FHIT: variants seen among roughly 807,000 people sequenced by gnomAD.
The protein encoded by FHIT is bis(5'-adenosyl)-triphosphatase.
In FHIT, 19 loss-of-function variants were observed where a neutral mutation model predicts 17.9. The observed-to-expected ratio is 1.06, with a 90% confidence interval of 0.74 to 1.56. The LOEUF (loss-of-function observed/expected upper bound fraction) is 1.56. Ranked by LOEUF, FHIT falls within the 40% of genes most tolerant of loss-of-function variation. The pLI is 0.00. For synonymous variants in FHIT, 81 were observed against 69.7 expected, an observed-to-expected ratio of 1.16 and a Z score of -0.81; for missense variants, 248 against 189.2, an observed-to-expected ratio of 1.31 and a Z score of -1.82.
At chr3:60,011,543 A>C in intron 6 of FHIT, 143 bp from the exon 7 acceptor site, 1 of 729,034 alleles carries the variant, frequency 1.4e-6, no homozygotes, top group Non-Finnish European at 2.4e-6. Context: ...TTGGCTTCAA[A>C]TGTGCGGGAT....
intron 2 of FHIT, among the ~76,000 whole-genome samples, chr3:61,140,471 C>T (rs1354476623): frequency 6.6e-6 from 1 of 152,132 alleles, no homozygotes; most frequent in African/African-American, 2.4e-5. Flanking sequence ...ATATAAAGAA[C>T]GGCTTTGCTT....
chr3:60,217,439 GT>G (rs1255470677), intron 5 of FHIT, among the ~76,000 whole-genome samples: 4 of 152,142 alleles, frequency 2.6e-5, no homozygotes, highest in African/African-American at 9.7e-5. Flanking sequence ...TGCTACACTG[GT>G]TTCTTAAACT....
At chr3:59,752,091 C>T (rs556619671) in intron 9 of FHIT, 130 bp downstream of exon 9, 157 of 604,662 alleles carry the variant, frequency 2.6e-4, no homozygotes, top group African/African-American at 2.5e-3. Flanking sequence ...TCCCCTCCAG[C>T]TCTTTGTCCT....
chr3:60,524,222 A>G, intron 5 of FHIT, among the ~76,000 whole-genome samples: 1 of 92,476 alleles, frequency 1.1e-5, no homozygotes, highest in African/African-American at 3.2e-5. Context: ...ACACACACAC[A>G]CACACACACA....
At chr3:60,399,920 G>A (rs956981114) in intron 5 of FHIT, among the ~76,000 whole-genome samples, 4 of 152,128 alleles carry the variant, frequency 2.6e-5, no homozygotes, top group African/African-American at 9.7e-5. Context: ...TTTCTTTTAA[G>A]TAAACCCTGC....
At chr3:59,903,705 G>A (rs188174954) in intron 8 of FHIT, among the ~76,000 whole-genome samples, 1 of 152,312 alleles carries the variant, frequency 6.6e-6, no homozygotes, top group African/African-American at 2.4e-5. Flanking sequence ...AAAGGAGGAG[G>A]CAAAGGAGAA....
chr3:60,734,936 T>C (rs1553712189), intron 4 of FHIT, among the ~76,000 whole-genome samples: 3 of 152,256 alleles, frequency 2.0e-5, no homozygotes, highest in Non-Finnish European at 4.4e-5. Context: ...GTTACAGTTA[T>C]AGTCAAGGGG....
chr3:60,418,990 C>T (rs1261777123), intron 5 of FHIT, among the ~76,000 whole-genome samples: 1 of 152,060 alleles, frequency 6.6e-6, no homozygotes, highest in Non-Finnish European at 1.5e-5. Flanking sequence ...CTTTTTTAGC[C>T]CGAATGGGAA....
intron 5 of FHIT, among the ~76,000 whole-genome samples, chr3:60,238,803 A>G (rs1344754160): frequency 2.6e-5 from 4 of 152,310 alleles, no homozygotes; most frequent in South Asian, 4.1e-4. Flanking sequence ...TTATCATACA[A>G]CAAAGCAAAA....
intron 5 of FHIT, among the ~76,000 whole-genome samples, chr3:60,450,342 G>A (rs2031652976): frequency 6.6e-6 from 1 of 151,998 alleles, no homozygotes; most frequent in Non-Finnish European, 1.5e-5. Flanking sequence ...ACTGTTGACT[G>A]AAATGTTTTA....
chr3:61,220,424 C>T (rs2039806159), intron 1 of FHIT, among the ~76,000 whole-genome samples: 1 of 152,200 alleles, frequency 6.6e-6, no homozygotes, highest in Non-Finnish European at 1.5e-5. Flanking sequence ...AAACCTAACA[C>T]TTCTCAGATA....
intron 5 of FHIT, among the ~76,000 whole-genome samples, chr3:60,337,672 G>A (rs147229056): frequency 6.6e-6 from 1 of 152,260 alleles, no homozygotes; most frequent in Non-Finnish European, 1.5e-5. Flanking sequence ...CCACTGCACT[G>A]AGTTGCTTTG....
intron 4 of FHIT, among the ~76,000 whole-genome samples, chr3:60,688,507 C>T (rs1461316839): frequency 6.6e-6 from 1 of 151,520 alleles, no homozygotes; most frequent in Non-Finnish European, 1.5e-5. Flanking sequence ...TCTCAGCTCA[C>T]TGCACCCTTC....
chr3:60,331,663 A>G (rs553408308), intron 5 of FHIT, among the ~76,000 whole-genome samples: 2 of 152,156 alleles, frequency 1.3e-5, no homozygotes, highest in African/African-American at 4.8e-5. Context: ...CCTGACCAAC[A>G]TGGAGAAACC....
intron 5 of FHIT, among the ~76,000 whole-genome samples, chr3:60,212,736 C>G (rs1703513106): frequency 1.3e-5 from 2 of 151,948 alleles, no homozygotes. Context: ...GGACAGAGGA[C>G]AGGAAATAAT....
chr3:59,855,803 C>T (rs780714), intron 8 of FHIT, among the ~76,000 whole-genome samples: 83,988 of 148,886 alleles, frequency 0.56, 25,387 homozygotes, highest in African/African-American at 0.8. Flanking sequence ...TTTTTTGAGA[C>T]GGAGTCTTGC....
intron 7 of FHIT, among the ~76,000 whole-genome samples, chr3:59,982,258 T>C (rs371740606): frequency 1.2e-3 from 154 of 130,142 alleles, no homozygotes; most frequent in African/African-American, 4.4e-3. Context: ...CTGAAGATGG[T>C]TGTTTAAGTG....
intron 1 of FHIT, among the ~76,000 whole-genome samples, chr3:61,209,320 T>C (rs984539765): frequency 3.3e-5 from 5 of 152,212 alleles, no homozygotes; most frequent in African/African-American, 1.2e-4. Context: ...TTGAGGAGTA[T>C]CTTTCTGGCA....
In FHIT at chr3:59,935,620, T is replaced by G. The variant is rs558502358; in HGVS notation, c.280-13206A>C. Among the ~76,000 whole-genome samples, 26 of 152,060 alleles carry G rather than the reference T, an allele frequency of 1.7e-4. 1 individual carries two copies. In the South Asian group the frequency reaches 5.4e-3, roughly 32 times the overall value. On this transcript the variant is annotated intron_variant, in intron 7 of 9. Coordinates refer to ENST00000492590, the MANE Select transcript of FHIT (RefSeq NM_002012.4). ...GTTAGAAGACATATTTTCTAAATGT[T>G]GAATGGATGGATGAATGGATGGATG...
Sources: gnomAD v4.1 joint callset for allele counts (sites outside exome capture counted in the v4.1 genomes callset) on GRCh38, gnomAD v4.1.1 for gene constraint, MANE v1.5 for transcripts, NCBI Gene and HGNC (gene_info 2026-07-23, HGNC 2026-07-21) for gene names.